Variants in PCDH15 observed in about 807,000 individuals in gnomAD.
PCDH15 encodes protocadherin-15.
A neutral mutation model predicts 178.5 loss-of-function variants in PCDH15; 129 were observed. The ratio of observed to expected loss-of-function variants is 0.72; its 90% CI spans 0.63 to 0.84. PCDH15 has a LOEUF of 0.84. Ranked by LOEUF, PCDH15 falls within the 40% of genes least tolerant of loss-of-function variation. The pLI, the probability that PCDH15 is intolerant of heterozygous loss-of-function variation, is 0.00. For synonymous variants in PCDH15, 800 were observed against 732.0 expected, an observed-to-expected ratio of 1.09 and a Z score of -1.50; for missense variants, 2,230 against 2,099.9, an observed-to-expected ratio of 1.06 and a Z score of -1.21.
intron 2 of PCDH15, among the ~76,000 whole-genome samples, chr10:54,578,038 T>C (rs1176203212): frequency 6.6e-6 from 1 of 152,188 alleles, no homozygotes; most frequent in Non-Finnish European, 1.5e-5. Context: ...TTGGATGATT[T>C]ATATACATTT....
chr10:54,621,547 T>C (rs1315775793), intron 2 of PCDH15, among the ~76,000 whole-genome samples: 2 of 152,032 alleles, frequency 1.3e-5, no homozygotes, highest in Admixed American at 1.3e-4. Context: ...ATATAAAATG[T>C]CCAAAATCCG....
At chr10:54,062,547 G>C (rs1026964496) in intron 18 of PCDH15, among the ~76,000 whole-genome samples, 1 of 152,088 alleles carries the variant, frequency 6.6e-6, no homozygotes, top group Non-Finnish European at 1.5e-5. Context: ...TGCAGAATCA[G>C]TTAGATGCAG....
intron 2 of PCDH15, among the ~76,000 whole-genome samples, chr10:54,640,261 TA>T (rs755758967): frequency 6.6e-5 from 10 of 152,022 alleles, no homozygotes; most frequent in Non-Finnish European, 1.5e-4. Flanking sequence ...AGAAAAAATG[TA>T]AAAATTGGAA....
intron 8 of PCDH15, among the ~76,000 whole-genome samples, chr10:54,256,271 A>T (rs537589403): frequency 1.3e-5 from 2 of 152,234 alleles, no homozygotes; most frequent in Admixed American, 6.5e-5. Context: ...GATAAAAAAA[A>T]GCATTTAATG....
intron 30 of PCDH15, among the ~76,000 whole-genome samples, chr10:53,830,305 GAAAAA>G (rs34416053): frequency 1.4e-5 from 2 of 140,010 alleles, no homozygotes; most frequent in African/African-American, 5.3e-5. Context: ...CCGTCTCCAG[GAAAAA>G]AAAAAAAAAA....
chr10:54,875,181 TG>T (rs1954117116), intron 3 of PCDH15, among the ~76,000 whole-genome samples: 1 of 152,194 alleles, frequency 6.6e-6, no homozygotes, highest in South Asian at 2.1e-4. Flanking sequence ...TTGATCATTG[TG>T]ATTACATGTG....
chr10:54,617,681 G>A (rs1252150652), intron 2 of PCDH15, among the ~76,000 whole-genome samples: 4 of 150,336 alleles, frequency 2.7e-5, no homozygotes, highest in African/African-American at 7.4e-5. Context: ...CCTGTAATTC[G>A]AGGTGGGAGG....
At chr10:55,335,244 G>A (rs996063851) in intron 2 of PCDH15, among the ~76,000 whole-genome samples, 1 of 152,108 alleles carries the variant, frequency 6.6e-6, no homozygotes, top group South Asian at 2.1e-4. Context: ...TGGTACTATT[G>A]TCTTACTAAA....
At chr10:54,892,326 A>G (rs1954477646) in intron 3 of PCDH15, among the ~76,000 whole-genome samples, 1 of 152,170 alleles carries the variant, frequency 6.6e-6, no homozygotes, top group African/African-American at 2.4e-5. Context: ...AATTTTGTCA[A>G]TAAATTAGTG....
At chr10:54,905,158 T>C (rs1262075033) in intron 2 of PCDH15, among the ~76,000 whole-genome samples, 1 of 151,994 alleles carries the variant, frequency 6.6e-6, no homozygotes, top group Non-Finnish European at 1.5e-5. Context: ...CTTTCCTCAG[T>C]TGCACAGTGC....
At chr10:54,600,149 T>C in intron 2 of PCDH15, 1 of 738,766 alleles carries the variant, frequency 1.4e-6, no homozygotes, top group Non-Finnish European at 2.4e-6. Flanking sequence ...GCTGAGTCCC[T>C]GGTAAAGGAG....
chr10:54,564,334 G>C (rs12414805), intron 2 of PCDH15, among the ~76,000 whole-genome samples: 14,825 of 152,134 alleles, frequency 0.097, 975 homozygotes, highest in East Asian at 0.26. Flanking sequence ...TGAGAGGATT[G>C]AGAAGTATGG....
intron 3 of PCDH15, among the ~76,000 whole-genome samples, chr10:54,880,265 C>A (rs564952133): frequency 6.6e-6 from 1 of 152,238 alleles, no homozygotes; most frequent in East Asian, 1.9e-4. Flanking sequence ...TGAGAGCCAG[C>A]TTTAACTTCT....
At chr10:54,195,972 G>A in intron 10 of PCDH15, 83 bp from the exon 11 acceptor site, 1 of 1,256,100 alleles carries the variant, frequency 8.0e-7, no homozygotes, top group Admixed American at 1.9e-5. Context: ...GCAATATATA[G>A]GGTTCTCTTT....
chr10:53,824,416 AAAAG>A (rs1385121084), intron 32 of PCDH15, among the ~76,000 whole-genome samples: 1 of 152,192 alleles, frequency 6.6e-6, no homozygotes, highest in Non-Finnish European at 1.5e-5. Flanking sequence ...AATGAAATAA[AAAAG>A]AAATATTCTG....
intron 2 of PCDH15, among the ~76,000 whole-genome samples, chr10:54,933,116 A>C (rs1564641051): frequency 6.6e-6 from 1 of 152,194 alleles, no homozygotes; most frequent in South Asian, 2.1e-4. Context: ...ATGAGCAATA[A>C]ATTATACCAT....
At chr10:55,260,497 T>C (rs923084319) in intron 1 of PCDH15, among the ~76,000 whole-genome samples, 7 of 143,284 alleles carry the variant, frequency 4.9e-5, no homozygotes, top group African/African-American at 8.5e-5. Flanking sequence ...TTTCAAATAC[T>C]AATAAATTAG....
intron 18 of PCDH15, among the ~76,000 whole-genome samples, chr10:54,062,247 A>C (rs1453720274): frequency 2.4e-5 from 3 of 125,680 alleles, no homozygotes; most frequent in African/African-American, 3.5e-5. Context: ...AAAAAAAAAA[A>C]AAAAACAAAA....
intron 15 of PCDH15, among the ~76,000 whole-genome samples, chr10:54,115,838 A>C (rs1422822483): frequency 6.6e-6 from 1 of 152,178 alleles, no homozygotes. Context: ...TAGTAACCAA[A>C]GGGAAATACT....
Sources: gnomAD v4.1 joint callset for allele counts (sites outside exome capture counted in the v4.1 genomes callset) on GRCh38, gnomAD v4.1.1 for gene constraint, MANE v1.5 for transcripts, NCBI Gene and HGNC (gene_info 2026-07-23, HGNC 2026-07-21) for gene names.